The following GPC5 variants were observed in gnomAD, a reference collection of about 807,000 sequenced individuals.
GPC5 encodes the protein glypican 5.
In GPC5, 47 loss-of-function variants were observed where a neutral mutation model predicts 53.9. The observed-to-expected ratio is 0.87, with a 90% CI of 0.69 to 1.11. The LOEUF (loss-of-function observed/expected upper bound fraction) is 1.11, where lower values mean the gene tolerates loss of function less well. Ranked by LOEUF, GPC5 falls within the 50% of genes most tolerant of loss-of-function variation. The probability of loss-of-function intolerance (pLI) is 0.00; values close to 1 mark genes in which losing one functional copy is unlikely to be tolerated. For synonymous variants in GPC5, 286 were observed against 263.3 expected, an observed-to-expected ratio of 1.09 and a Z score of -0.84; for missense variants, 748 against 713.1, an observed-to-expected ratio of 1.05 and a Z score of -0.56.
In GPC5 at chr13:92,162,626, G is replaced by A. The variant is rs539922494; in HGVS notation, c.1561+17637G>A. Among the ~76,000 whole-genome samples the A allele has an allele frequency of 6.6e-5, 10 of 152,230 alleles. No individual in the cohort carries two copies. The South Asian group carries it at 1.9e-3, about 28-fold the overall frequency. On this transcript the variant is annotated intron_variant, in intron 7 of 7. Transcript: ENST00000377067. ...AAACCTAAGAATTAGAGAATGCTGG[G>A]GATTCTTGGGATCTACATGAAATTC...
chr13:91,700,077 AG>A (rs1377537845), intron 3 of GPC5, among the ~76,000 whole-genome samples: 1 of 152,174 alleles, frequency 6.6e-6, no homozygotes, highest in African/African-American at 2.4e-5. Flanking sequence ...CTCTGCTGGT[AG>A]GAATTTTCTT....
chr13:92,031,760 CATATTATATATAA>C (rs2040847737), intron 6 of GPC5, among the ~76,000 whole-genome samples: 1 of 33,936 alleles, frequency 2.9e-5, no homozygotes, highest in African/African-American at 1.5e-4. Flanking sequence ...TATTATATTA[CATATTATATATAA>C]TATATAATAT....
intron 7 of GPC5, among the ~76,000 whole-genome samples, chr13:92,682,372 G>A (rs954408474): frequency 3.3e-5 from 5 of 152,076 alleles, no homozygotes; most frequent in Admixed American, 1.3e-4. Context: ...TAAAGTGCAC[G>A]TAATAGGAGC....
intron 6 of GPC5, among the ~76,000 whole-genome samples, chr13:91,946,299 C>A (rs1276748708): frequency 6.6e-6 from 1 of 151,960 alleles, no homozygotes; most frequent in African/African-American, 2.4e-5. Context: ...TGATTCAGAA[C>A]TAAGCGCTGC....
intron 5 of GPC5, among the ~76,000 whole-genome samples, chr13:91,765,668 G>A (rs1421509507): frequency 1.3e-5 from 2 of 152,166 alleles, no homozygotes; most frequent in African/African-American, 4.8e-5. Flanking sequence ...AGCAAAACAG[G>A]TTTTGAAATA....
intron 7 of GPC5, among the ~76,000 whole-genome samples, chr13:92,488,353 A>G (rs991081412): frequency 5.3e-5 from 8 of 152,208 alleles, no homozygotes; most frequent in Admixed American, 4.6e-4. Flanking sequence ...AGTAGATCCT[A>G]TCCAATGCTT....
intron 7 of GPC5, among the ~76,000 whole-genome samples, chr13:92,178,445 A>T (rs2042123670): frequency 6.7e-6 from 1 of 150,004 alleles, no homozygotes; most frequent in African/African-American, 2.4e-5. Context: ...ACATATATAC[A>T]TATATACCAG....
intron 7 of GPC5, among the ~76,000 whole-genome samples, chr13:92,656,653 G>A (rs1886146743): frequency 6.6e-6 from 1 of 152,256 alleles, no homozygotes; most frequent in South Asian, 2.1e-4. Flanking sequence ...AACTGCATTT[G>A]GTTGTTTTGG....
intron 6 of GPC5, among the ~76,000 whole-genome samples, chr13:92,117,037 G>A (rs2041607434): frequency 6.6e-6 from 1 of 152,002 alleles, no homozygotes; most frequent in African/African-American, 2.4e-5. Flanking sequence ...TTTTTAATTT[G>A]GATGAAGCTC....
Position 92,866,368 on chromosome 13 carries a change from T to G in GPC5, c.1648T>G (p.Cys550Gly). The G allele has an allele frequency of 6.2e-7, 1 of 1,613,130 alleles. No homozygotes were observed. The highest frequency in any genetic ancestry group is 1.1e-5 in the South Asian group (1 of 91,020). The change falls in exon 8 of 8, where the codon TGT becomes GGT. Residue 550 changes from cysteine (C) to glycine (G), a missense_variant. Cys to Gly is a radical substitution (Grantham distance 159). Transcript: ENST00000377067. ...GSTLDTTGAG[C>G]AVATESMTFT... ...TACTTTAGACACAACAGGAGCAGGATGTGCAGTGGCGACTGAATCTATGAC... is the reference window on the plus strand; with the variant it reads ...TACTTTAGACACAACAGGAGCAGGAGGTGCAGTGGCGACTGAATCTATGAC...
intron 7 of GPC5, among the ~76,000 whole-genome samples, chr13:92,570,620 A>G (rs1882993960): frequency 6.6e-6 from 1 of 152,260 alleles, no homozygotes. Context: ...TCAATTAATT[A>G]ATGTTATTAA....
At chr13:92,127,321 G>A (rs1388170870) in intron 6 of GPC5, among the ~76,000 whole-genome samples, 1 of 150,220 alleles carries the variant, frequency 6.7e-6, no homozygotes, top group East Asian at 1.9e-4. Context: ...GTATATATAT[G>A]TGTATGTGTA....
chr13:92,047,443 T>TATATA (rs59836982), intron 6 of GPC5, among the ~76,000 whole-genome samples: 2 of 124,154 alleles, frequency 1.6e-5, no homozygotes. Flanking sequence ...TATATATATA[T>TATATA]TTTTTTTTCC....
chr13:91,953,548 G>A (rs2040046337), intron 6 of GPC5, among the ~76,000 whole-genome samples: 1 of 152,146 alleles, frequency 6.6e-6, no homozygotes. Context: ...AATAAAAAAA[G>A]GGTACATTGC....
chr13:91,579,526 G>A (rs2032268053), intron 2 of GPC5, among the ~76,000 whole-genome samples: 1 of 151,608 alleles, frequency 6.6e-6, no homozygotes, highest in South Asian at 2.1e-4. Flanking sequence ...ATACGAACCT[G>A]CCTCTACCTG....
At chr13:91,460,267 A>C (rs1235075213) in intron 2 of GPC5, among the ~76,000 whole-genome samples, 1 of 151,766 alleles carries the variant, frequency 6.6e-6, no homozygotes, top group Non-Finnish European at 1.5e-5. Flanking sequence ...ATTAATAGTT[A>C]TCAATCATTT....
At chr13:91,602,661 T>C (rs1321377510) in intron 2 of GPC5, among the ~76,000 whole-genome samples, 1 of 152,168 alleles carries the variant, frequency 6.6e-6, no homozygotes, top group Non-Finnish European at 1.5e-5. Flanking sequence ...ACGTGATTGA[T>C]GATATTGTTT....
intron 5 of GPC5, among the ~76,000 whole-genome samples, chr13:91,841,333 A>C (rs1430387451): frequency 6.7e-6 from 1 of 150,172 alleles, no homozygotes; most frequent in Non-Finnish European, 1.5e-5. Context: ...CAGAATATGG[A>C]GTGAGAAAGA....
At chr13:92,697,877 C>A (rs1887604088) in intron 7 of GPC5, among the ~76,000 whole-genome samples, 2 of 152,074 alleles carry the variant, frequency 1.3e-5, no homozygotes, top group South Asian at 4.1e-4. Context: ...TCCATCAATA[C>A]CTAGTTTATT....
Sources: gnomAD v4.1 joint callset for allele counts (sites outside exome capture counted in the v4.1 genomes callset) on GRCh38, gnomAD v4.1.1 for gene constraint, MANE v1.5 for transcripts, NCBI Gene and HGNC (gene_info 2026-07-23, HGNC 2026-07-21) for gene names.